P3H1: variants seen among roughly 807,000 people sequenced by gnomAD.
The protein encoded by P3H1 is growth suppressor 1.
P3H1 carries 69 observed loss-of-function variants against 84.0 expected under a neutral mutation model. The ratio of observed to expected loss-of-function variants is 0.82; its 90% CI spans 0.68 to 1.00. The LOEUF is 1.00. P3H1 is among the 50% of genes least tolerant of loss of function. P3H1 has a pLI of 0.00. For synonymous variants in P3H1, 366 were observed against 388.8 expected (o/e 0.94, Z 0.69); for missense variants, 878 against 962.8 (o/e 0.91, Z 1.17).
At chr1:42,763,170 G>A (rs952933089) in intron 1 of P3H1, among the ~76,000 whole-genome samples, 2 of 151,994 alleles carry the variant, frequency 1.3e-5, no homozygotes, top group African/African-American at 2.4e-5. Flanking sequence ...GGATTTAGGG[G>A]TAGAGAAAAA....
chr1:42,749,451 T>C (rs1002023717), intron 11 of P3H1, among the ~76,000 whole-genome samples: 1 of 152,220 alleles, frequency 6.6e-6, no homozygotes, highest in South Asian at 2.1e-4. Flanking sequence ...CAAAAGGGAA[T>C]GTGGGTGGGC....
chr1:42,763,915 C>A (rs1223003638), intron 1 of P3H1, among the ~76,000 whole-genome samples: 1 of 151,626 alleles, frequency 6.6e-6, no homozygotes, highest in South Asian at 2.1e-4. Context: ...GAGGCTGAGG[C>A]GGGCGGATCA....
chr1:42,755,632 G>A lies in P3H1; in HGVS notation c.1086C>T (p.Ala362=), dbSNP rs777090883. Residue 362 remains alanine, a synonymous_variant, in exon 6 of 15, where the codon GCC becomes GCT. Transcript: ENST00000296388. ...GTAGGCTTCGCTGTCGGTACTCCTTGGCACTCTGAGGGTAAAAAAGCAAAC... is the reference window on the plus strand; with the variant it reads ...GTAGGCTTCGCTGTCGGTACTCCTTAGCACTCTGAGGGTAAAAAAGCAAAC... ...HTRSIGPRES[A]KEYRQRSLLE... 7.2e-5 allele frequency: 116 copies of A among 1,612,866 alleles called. No individual in the cohort carries two copies. Among genetic ancestry groups the A allele is most frequent in the Non-Finnish European group, 9.8e-5 (115 of 1,179,082 alleles).
In P3H1 at chr1:42,750,301, G is replaced by A. The variant is rs1651963551; in HGVS notation, c.1605C>T (p.Ala535=). ...TCTCCGTCACGTTGTAGTACAGGTG[G>A]GCACTCTGCAGAGGAACTTTGCCTT... ...GQEGKVPLQS[A]HLYYNVTEKV... is the part of the protein sequence containing the mutation. Residue 535 remains alanine (A), a synonymous_variant, in exon 11 of 15, where the codon GCC becomes GCT. Coordinates refer to ENST00000296388, the MANE Select transcript of P3H1 (RefSeq NM_022356.4). 6.2e-7 allele frequency: 1 copy of A among 1,613,916 alleles called. No homozygotes were observed. The highest frequency in any genetic ancestry group is 1.3e-5 in the African/African-American group (1 of 74,868).
chr1:42,752,243 C>T, intron 10 of P3H1, 31 bp downstream of exon 10: 1 of 1,571,048 alleles, frequency 6.4e-7, no homozygotes, highest in South Asian at 1.1e-5. Context: ...CCCCTTTCTC[C>T]ACACTCTAGA....
chr1:42,752,467 C>T, intron 9 of P3H1, 70 bp downstream of exon 9: 1 of 1,612,576 alleles, frequency 6.2e-7, no homozygotes, highest in Non-Finnish European at 8.5e-7. Flanking sequence ...CGAAGGCTAC[C>T]ACCCAAGGGG....
In P3H1 at chr1:42,766,007, TCC is replaced by T. The variant is rs747617057; in HGVS notation, c.465+498_465+499del. Among the ~76,000 whole-genome samples, 1,023 of 117,724 alleles carry T rather than the reference TCC, an allele frequency of 8.7e-3. 67 individuals carry two copies. The highest frequency in any genetic ancestry group is 0.033 in the African/African-American group (975 of 29,188). The allele number at this position is 117,724 out of a possible 152,430, so 77.2% of individuals were successfully genotyped here. On this transcript the variant is annotated intron_variant, in intron 1 of 14. Transcript: ENST00000296388. ...TAAACCTGGCAGACTAGCCAGAGGGTCCCCCCCCCGCCCCCACACACACACAG... is the reference window on the plus strand; with the variant it reads ...TAAACCTGGCAGACTAGCCAGAGGGTCCCCCCCGCCCCCACACACACACAG...
intron 1 of P3H1, among the ~76,000 whole-genome samples, chr1:42,763,672 CAAAAAAA>C (rs766034061): frequency 1.3e-3 from 53 of 41,528 alleles, no homozygotes; most frequent in East Asian, 2.3e-3. Context: ...ACTCTTGTCT[CAAAAAAA>C]AAAAAAAAAA....
chr1:42,759,042 G>A (rs1314022947), intron 3 of P3H1, 59 bp from the exon 4 acceptor site: 1 of 1,607,302 alleles, frequency 6.2e-7, no homozygotes, highest in African/African-American at 1.3e-5. Context: ...CTCAAATTCT[G>A]GTTAAGATGA....
At chr1:42,755,680 G>A (rs1652369905) in intron 5 of P3H1, 43 bp from the exon 6 acceptor site, 1 of 1,515,114 alleles carries the variant, frequency 6.6e-7, no homozygotes, top group Non-Finnish European at 9.2e-7. Flanking sequence ...ACTCAGCCCT[G>A]TCTTTTAACC....
rs1652584129 is a variant in P3H1 at position 42,759,407 on chromosome 1, G to A, written c.619-17C>T. On this transcript the variant is annotated splice_polypyrimidine_tract_variant and intron_variant, in intron 2 of 14. Transcript: ENST00000296388. ...AAATTCTTGCTACTGGGAAGAAGGAGCACTCAAATGCAGGCCACAGAGGAG... is the reference window on the plus strand; with the variant it reads ...AAATTCTTGCTACTGGGAAGAAGGAACACTCAAATGCAGGCCACAGAGGAG... 1 of 1,611,740 alleles carries A rather than the reference G, an allele frequency of 6.2e-7. No individual in the cohort carries two copies.
At chr1:42,755,110 G>A in intron 7 of P3H1, 55 bp downstream of exon 7, 1 of 1,612,270 alleles carries the variant, frequency 6.2e-7, no homozygotes. Context: ...GGCTCAGGAA[G>A]CCTCAAGTGC....
intron 6 of P3H1, among the ~76,000 whole-genome samples, 155 bp from the exon 7 acceptor site, chr1:42,755,372 T>C (rs1652340185): frequency 6.6e-6 from 1 of 152,202 alleles, no homozygotes; most frequent in African/African-American, 2.4e-5. Context: ...AAGTCCCTTC[T>C]AGCTGCCCAG....
chr1:42,764,793 C>T (rs1459906958), intron 1 of P3H1, among the ~76,000 whole-genome samples: 1 of 152,180 alleles, frequency 6.6e-6, no homozygotes, highest in African/African-American at 2.4e-5. Context: ...CATCTCTGTA[C>T]CTCAGTTTCT....
At chr1:42,761,814 A>G (rs1427271873) in intron 2 of P3H1, 2 of 164,192 alleles carry the variant, frequency 1.2e-5, no homozygotes, top group African/African-American at 2.4e-5. Flanking sequence ...TGAGCCCAGG[A>G]GGTCAAGGCT....
At chr1:42,747,855 C>T (rs2124080364) in intron 12 of P3H1, 57 bp from the exon 13 acceptor site, 1 of 1,529,342 alleles carries the variant, frequency 6.5e-7, no homozygotes. Context: ...TTCCCCTGAG[C>T]CTTCACCTCC....
intron 2 of P3H1, 98 bp downstream of exon 2, chr1:42,762,225 C>G (rs1570479125): frequency 8.0e-7 from 1 of 1,255,976 alleles, no homozygotes; most frequent in Non-Finnish European, 1.2e-6. Context: ...GAGCTATGAT[C>G]AAGCCACTGC....
At chr1:42,758,162 A>G (rs1199595369) in intron 4 of P3H1, among the ~76,000 whole-genome samples, 1 of 152,212 alleles carries the variant, frequency 6.6e-6, no homozygotes, top group Non-Finnish European at 1.5e-5. Flanking sequence ...CTGCCTAACA[A>G]TGAAACAGAA....
In P3H1 at chr1:42,754,826, T is replaced by C; in HGVS notation, c.1345+43A>G. ...GCAAATGTGGGGTGACCTGCCTGGCTCCCTGACAACAGCCAGACATGCCCC... is the reference window on the plus strand; with the variant it reads ...GCAAATGTGGGGTGACCTGCCTGGCCCCCTGACAACAGCCAGACATGCCCC... On this transcript the variant is annotated intron_variant, in intron 8 of 14. Coordinates refer to ENST00000296388, the MANE Select transcript of P3H1 (RefSeq NM_022356.4). The surrounding 1 kb of genome is among the most constrained non-coding windows in gnomAD (Gnocchi z 4.0). The C allele has an allele frequency of 6.2e-7, 1 of 1,613,776 alleles. No individual in the cohort carries two copies. The highest frequency in any genetic ancestry group is 8.5e-7 in the Non-Finnish European group (1 of 1,179,800).
Sources: allele counts gnomAD v4.1 joint callset (sites outside exome capture counted in the v4.1 genomes callset), GRCh38; gene constraint gnomAD v4.1.1; non-coding constraint Gnocchi (gnomAD v3.1); transcripts MANE v1.5; gene names NCBI Gene and HGNC (gene_info 2026-07-23, HGNC 2026-07-21).